Variants in FRMD4A observed in about 807,000 individuals in gnomAD.
FRMD4A encodes FERM domain-containing protein 4A.
In FRMD4A, 29 loss-of-function variants were observed where a neutral mutation model predicts 129.1. The ratio of observed to expected loss-of-function variants is 0.22; its 90% confidence interval spans 0.17 to 0.31. The LOEUF (loss-of-function observed/expected upper bound fraction) is 0.31, where lower values mean the gene tolerates loss of function less well. Ranked by LOEUF, FRMD4A falls within the 10% of genes least tolerant of loss-of-function variation. The pLI, the probability that FRMD4A is intolerant of heterozygous loss-of-function variation, is 1.00. For synonymous variants in FRMD4A, 634 were observed against 571.6 expected (o/e 1.11, Z -1.56); for missense variants, 1,272 against 1,375.8 (o/e 0.92, Z 1.19).
intron 2 of FRMD4A, among the ~76,000 whole-genome samples, chr10:14,143,832 C>A (rs1244427852): frequency 6.6e-6 from 1 of 152,094 alleles, no homozygotes; most frequent in Non-Finnish European, 1.5e-5. Context: ...TGGTCTTGAA[C>A]TTCTGACCTC....
At chr10:13,658,472 C>T (rs903477473) in intron 21 of FRMD4A, among the ~76,000 whole-genome samples, 3 of 152,234 alleles carry the variant, frequency 2.0e-5, no homozygotes, top group Non-Finnish European at 2.9e-5. Flanking sequence ...AACTTCACAG[C>T]GGCCCCACGG....
At chr10:14,162,830 G>A (rs2131872580) in intron 2 of FRMD4A, among the ~76,000 whole-genome samples, 1 of 152,178 alleles carries the variant, frequency 6.6e-6, no homozygotes, top group Non-Finnish European at 1.5e-5. Flanking sequence ...AGGATGACGT[G>A]CCCAAGAGCC....
intron 2 of FRMD4A, among the ~76,000 whole-genome samples, chr10:14,051,772 A>G (rs1210715592): frequency 6.6e-6 from 1 of 152,198 alleles, no homozygotes; most frequent in African/African-American, 2.4e-5. Context: ...TCGGCAGCCT[A>G]TGCAGTAAGC....
chr10:13,863,506 C>T (rs1437012102), intron 2 of FRMD4A, among the ~76,000 whole-genome samples: 2 of 152,148 alleles, frequency 1.3e-5, no homozygotes, highest in African/African-American at 4.8e-5. Context: ...ACTAGAATTG[C>T]TTGAACCCAG....
intron 2 of FRMD4A, among the ~76,000 whole-genome samples, chr10:14,203,329 G>A (rs1202900274): frequency 6.6e-6 from 1 of 152,194 alleles, no homozygotes; most frequent in Non-Finnish European, 1.5e-5. Flanking sequence ...ATTTGGTAGA[G>A]ATGGGCTCTC....
chr10:13,728,271 G>A (rs2135008113), intron 12 of FRMD4A, among the ~76,000 whole-genome samples: 1 of 152,248 alleles, frequency 6.6e-6, no homozygotes, highest in African/African-American at 2.4e-5. Context: ...AAACCCCCAT[G>A]TGGTGGGCAA....
chr10:13,673,992 C>T (rs7083502), intron 16 of FRMD4A, among the ~76,000 whole-genome samples: 16,386 of 151,832 alleles, frequency 0.11, 1,893 homozygotes, highest in African/African-American at 0.29. Flanking sequence ...AGTCTCCAAC[C>T]CCTGGTCTCC....
At position 13,684,551 on chromosome 10, in the gene FRMD4A, T is replaced by C. The variant is rs374447935; in HGVS notation, c.1117+9347A>G. ...GCTCTCCTCCCGGCCGGCAGACACATGGAAGGACAGCCTCTTTCAGCCTCA... is the reference window on the plus strand; with the variant it reads ...GCTCTCCTCCCGGCCGGCAGACACACGGAAGGACAGCCTCTTTCAGCCTCA... On this transcript the variant is annotated intron_variant, in intron 15 of 24. Transcript: ENST00000357447. The C allele has an allele frequency of 2.1e-5, 21 of 985,336 alleles. 1 individual carries two copies. The African/African-American group carries it at 3.5e-4, about 16-fold the overall frequency. The allele number at this position is 985,336 out of a possible 1,614,324, so 61.0% of individuals were successfully genotyped here. A position where few individuals can be genotyped will look rare whatever the true frequency, so the allele number is the denominator to read the frequency against.
intron 2 of FRMD4A, among the ~76,000 whole-genome samples, chr10:13,942,910 C>A (rs931742785): frequency 6.6e-6 from 1 of 150,602 alleles, no homozygotes; most frequent in Non-Finnish European, 1.5e-5. Context: ...TCTAGCCTGG[C>A]GAAAGAGTGA....
chr10:14,307,730 A>C (rs558256989), intron 2 of FRMD4A, among the ~76,000 whole-genome samples: 4 of 152,340 alleles, frequency 2.6e-5, no homozygotes, highest in African/African-American at 9.6e-5. Flanking sequence ...GTTTTTGTCC[A>C]GTTACATTTA....
At chr10:14,166,720 G>T (rs1443823690) in intron 2 of FRMD4A, among the ~76,000 whole-genome samples, 1 of 152,148 alleles carries the variant, frequency 6.6e-6, no homozygotes, top group Non-Finnish European at 1.5e-5. Flanking sequence ...GCAACGAAAT[G>T]GCCTGCCCAT....
intron 19 of FRMD4A, among the ~76,000 whole-genome samples, chr10:13,662,321 C>T (rs558660419): frequency 6.6e-6 from 1 of 152,292 alleles, no homozygotes; most frequent in South Asian, 2.1e-4. Flanking sequence ...ATCCGCCAGA[C>T]TTTCCTCACA....
chr10:14,133,798 C>T lies in FRMD4A; in HGVS notation c.45+196260G>A, dbSNP rs898303218. Among the ~76,000 whole-genome samples the T allele has an allele frequency of 6.6e-5, 10 of 152,236 alleles. No individual in the cohort carries two copies. The East Asian group carries it at 1.9e-3, about 29-fold the overall frequency. ...AACCATATCTTATGAGTCTGTATTC[C>T]CTGAGTAAAAGCCCATCATTTCGAG... On this transcript the variant is annotated intron_variant, in intron 2 of 24. Transcript: ENST00000357447.
At chr10:13,842,154 AC>A (rs779013496) in intron 3 of FRMD4A, among the ~76,000 whole-genome samples, 3 of 152,014 alleles carry the variant, frequency 2.0e-5, no homozygotes, top group Admixed American at 6.6e-5. Flanking sequence ...GGGTCAACAA[AC>A]CCCCAAGGTT....
intron 2 of FRMD4A, among the ~76,000 whole-genome samples, chr10:14,075,021 GATGTCCTTATGA>G (rs147754222): frequency 0.033 from 5,055 of 152,238 alleles, 133 homozygotes; most frequent in African/African-American, 0.08. Flanking sequence ...ATCAAAGAAA[GATGTCCTTATGA>G]ATTAAAAAAG....
chr10:13,838,703 G>T (rs2093915530), intron 3 of FRMD4A, among the ~76,000 whole-genome samples: 1 of 152,096 alleles, frequency 6.6e-6, no homozygotes, highest in Non-Finnish European at 1.5e-5. Context: ...ATGTTGGCCA[G>T]GCTAGCCTCA....
intron 15 of FRMD4A, among the ~76,000 whole-genome samples, chr10:13,687,084 A>G (rs57275587): frequency 0.089 from 13,521 of 152,200 alleles, 996 homozygotes; most frequent in African/African-American, 0.2. Context: ...TGAGCTCAAG[A>G]GTTCGAGACC....
intron 2 of FRMD4A, among the ~76,000 whole-genome samples, chr10:13,983,322 G>T (rs745520939): frequency 1.3e-5 from 2 of 151,840 alleles, no homozygotes; most frequent in Non-Finnish European, 2.9e-5. Flanking sequence ...CGAGGCAACC[G>T]TGAAATTGAC....
chr10:13,686,056 C>T (rs547087437), intron 15 of FRMD4A, among the ~76,000 whole-genome samples: 4 of 152,202 alleles, frequency 2.6e-5, no homozygotes, highest in African/African-American at 7.2e-5. Context: ...AAAGAGATTT[C>T]GCAGCTCTCC....
Sources: gnomAD v4.1 joint callset for allele counts (sites outside exome capture counted in the v4.1 genomes callset) on GRCh38, gnomAD v4.1.1 for gene constraint, MANE v1.5 for transcripts, NCBI Gene and HGNC (gene_info 2026-07-23, HGNC 2026-07-21) for gene names.